The following KIF1B variants were observed in gnomAD, a reference collection of about 807,000 sequenced individuals.
The protein encoded by KIF1B is kinesin family member 1B.
A neutral mutation model predicts 241.9 loss-of-function variants in KIF1B; 76 were observed. That is an observed-to-expected ratio of 0.31 (90% CI 0.26 to 0.38). KIF1B has a LOEUF of 0.38. Among genes scored for constraint, KIF1B ranks in the 10% least tolerant of loss-of-function variants. KIF1B has a pLI of 1.00. For missense variants in KIF1B, 1,622 were observed against 2,271.4 expected, an observed-to-expected ratio of 0.71 and a Z score of 5.81; for synonymous variants, 750 against 796.7, an observed-to-expected ratio of 0.94 and a Z score of 0.99.
At position 10,353,230 on chromosome 1, in the gene KIF1B, T is replaced by C. The variant is rs551212813; in HGVS notation, c.4055+494T>C. On this transcript the variant is annotated intron_variant, in intron 38 of 48. Transcript: ENST00000676179. ...TGACTATAGGCTCCATTATCCTTAG[T>C]ATTTGTTTTTCATTTATGCACAAAA... is the stretch of plus-strand genomic sequence containing the variant. Among the ~76,000 whole-genome samples the C allele has an allele frequency of 3.9e-4, 60 of 152,322 alleles. No individual in the cohort carries two copies. The South Asian group carries it at 0.011, about 28-fold the overall frequency.
intron 38 of KIF1B, among the ~76,000 whole-genome samples, chr1:10,360,048 TAAAA>T (rs202103894): frequency 6.6e-6 from 1 of 151,074 alleles, no homozygotes; most frequent in Non-Finnish European, 1.5e-5. Context: ...TAAAATAAAA[TAAAA>T]AAATAATAAA....
At chr1:10,304,371 G>C (rs1242281410) in intron 22 of KIF1B, 2 of 1,614,072 alleles carry the variant, frequency 1.2e-6, no homozygotes, top group Non-Finnish European at 1.7e-6. Context: ...CGAAAAGTAC[G>C]CGCTGCCAGG....
At chr1:10,344,268 C>T (rs1196855077) in intron 34 of KIF1B, among the ~76,000 whole-genome samples, 2 of 152,178 alleles carry the variant, frequency 1.3e-5, no homozygotes, top group African/African-American at 4.8e-5. Context: ...GCTGCCAGAG[C>T]GAGAGGGTAC....
chr1:10,314,210 C>T lies in KIF1B; in HGVS notation c.2116-5833C>T, dbSNP rs991649492. ...ATATATTATTTTTTAATGTGCCTTC[C>T]GTAATTAGTTTTTGTCACAAAATGA... On this transcript the variant is annotated intron_variant, in intron 22 of 48. Transcript: ENST00000676179. Among the ~76,000 whole-genome samples, 7 of 151,204 alleles carry T rather than the reference C, an allele frequency of 4.6e-5. 1 individual carries two copies. Among genetic ancestry groups the T allele is most frequent in the Admixed American group, 2.0e-4 (3 of 15,232 alleles).
In KIF1B at chr1:10,216,957, C is replaced by CT. The variant is rs70998362; in HGVS notation, c.-80+6113dup. 5.7e-3 allele frequency among the ~76,000 whole-genome samples: 309 copies of CT among 54,502 alleles called. 27 individuals carry two copies. The highest frequency in any genetic ancestry group is 0.013 in the East Asian group (15 of 1,168). The allele number at this position is 54,502 out of a possible 152,430, so 35.8% of individuals were successfully genotyped here. ...TTTCCCTGCAGTACTTGCCCATTTT[C>CT]TTTTTTTTTTTTTTTTTTTTTTTTT... is the stretch of plus-strand genomic sequence containing the variant. On this transcript the variant is annotated intron_variant, in intron 1 of 48. Coordinates refer to ENST00000676179, the MANE Select transcript of KIF1B (RefSeq NM_001365951.3).
In KIF1B at chr1:10,360,947, G is replaced by T. The variant is rs1291020748; in HGVS notation, c.4074G>T (p.Glu1358Asp). 6.2e-7 allele frequency: 1 copy of T among 1,613,702 alleles called. No individual in the cohort carries two copies. Among genetic ancestry groups the T allele is most frequent in the African/African-American group, 1.3e-5 (1 of 74,916 alleles). The change falls in exon 39 of 49, where the codon GAG (glutamate) becomes GAT (aspartate). Residue 1358 changes from glutamate (E) to aspartate (D), a missense_variant. By Grantham distance (45) the Glu-to-Asp change is conservative (BLOSUM62 2). Around this residue, in one of 7 missense-constraint regions of KIF1B, gnomAD observed 803 missense variants for 1,112.0 expected, o/e 0.72. Coordinates refer to ENST00000676179, the MANE Select transcript of KIF1B (RefSeq NM_001365951.3). Reference protein sequence around the residue: ...HNSSRTFYRFEAVWDSSLHNS... With the variant: ...HNSSRTFYRFDAVWDSSLHNS... ...ACCTTAGGACCTTCTACCGCTTTGA[G>T]GCTGTGTGGGATAGCTCTCTGCATA...
At chr1:10,226,153 A>C (rs1039583519) in intron 1 of KIF1B, among the ~76,000 whole-genome samples, 36 of 152,192 alleles carry the variant, frequency 2.4e-4, no homozygotes, top group African/African-American at 8.2e-4. Context: ...GATTTTATAG[A>C]TATAAGCTGA....
intron 17 of KIF1B, among the ~76,000 whole-genome samples, chr1:10,293,975 A>G (rs1650136330): frequency 6.6e-6 from 1 of 152,250 alleles, no homozygotes; most frequent in Non-Finnish European, 1.5e-5. Context: ...CTACTCACAA[A>G]GGGCTTTGAC....
rs548095757 is a variant in KIF1B at position 10,266,181 on chromosome 1, G to T, written c.430-1199G>T. Among the ~76,000 whole-genome samples the T allele has an allele frequency of 1.4e-4, 22 of 152,306 alleles. No homozygotes were observed. In the South Asian group the frequency reaches 4.3e-3, roughly 30 times the overall value. On this transcript the variant is annotated intron_variant, in intron 5 of 48. Coordinates refer to ENST00000676179, the MANE Select transcript of KIF1B (RefSeq NM_001365951.3). The stretch of plus-strand genomic sequence containing the variant: ...AGACTTGAGTAAAGCTCATTTGACT[G>T]ATGTTATGAAACCAACTTGTTGGTT...
intron 1 of KIF1B, among the ~76,000 whole-genome samples, chr1:10,225,791 G>A (rs1282219502): frequency 6.6e-6 from 1 of 152,112 alleles, no homozygotes; most frequent in African/African-American, 2.4e-5. Context: ...TGTAAAAATA[G>A]GTGGTTTATG....
intron 17 of KIF1B, among the ~76,000 whole-genome samples, chr1:10,293,821 C>T (rs1303972574): frequency 6.6e-6 from 1 of 152,186 alleles, no homozygotes; most frequent in East Asian, 1.9e-4. Context: ...AAAGCTTTTT[C>T]TTACTTTAAT....
intron 2 of KIF1B, among the ~76,000 whole-genome samples, chr1:10,238,067 G>GTTTA (rs1647081557): frequency 5.9e-5 from 9 of 151,946 alleles, no homozygotes; most frequent in African/African-American, 9.7e-5. Flanking sequence ...ATGGAGATTT[G>GTTTA]GAAAGGAAGA....
intron 38 of KIF1B, among the ~76,000 whole-genome samples, chr1:10,358,702 CAG>C (rs1426731383): frequency 7.4e-6 from 1 of 135,046 alleles, no homozygotes; most frequent in Non-Finnish European, 1.6e-5. Flanking sequence ...AAAAAAAAAA[CAG>C]ATCTCACAAT....
In KIF1B at chr1:10,326,049, C is replaced by A. The variant is rs758098823; in HGVS notation, c.2676-62C>A. On this transcript the variant is annotated intron_variant, in intron 26 of 48. Coordinates refer to ENST00000676179, the MANE Select transcript of KIF1B (RefSeq NM_001365951.3). This position sits in a 1 kb window ranked among gnomAD's most constrained non-coding sequence, Gnocchi z 5.2. ...CTGTCCTGTTAGCACCTATTGCTTC[C>A]TGTTTAACCAACTATTCCTCTCTCC... 10 of 1,606,470 alleles carry A rather than the reference C, an allele frequency of 6.2e-6. No individual in the cohort carries two copies. The highest frequency in any genetic ancestry group is 8.5e-6 in the Non-Finnish European group (10 of 1,176,540).
intron 2 of KIF1B, among the ~76,000 whole-genome samples, chr1:10,240,245 G>A (rs972661150): frequency 7.9e-5 from 12 of 151,606 alleles, no homozygotes; most frequent in African/African-American, 1.5e-4. Flanking sequence ...GTCTCACTTT[G>A]TTGCCCAGGC....
intron 2 of KIF1B, among the ~76,000 whole-genome samples, chr1:10,242,433 T>C (rs999885592): frequency 6.6e-6 from 1 of 152,182 alleles, no homozygotes; most frequent in Non-Finnish European, 1.5e-5. Flanking sequence ...CTGTAGGAAA[T>C]TGTAAGACAT....
intron 1 of KIF1B, among the ~76,000 whole-genome samples, chr1:10,228,737 C>T (rs1202493245): frequency 2.0e-5 from 3 of 152,062 alleles, no homozygotes; most frequent in Non-Finnish European, 2.9e-5. Context: ...CCAGCTATTG[C>T]AAGTATCCTA....
chr1:10,283,202 G>A (rs12120499), intron 15 of KIF1B, among the ~76,000 whole-genome samples: 13,795 of 94,638 alleles, frequency 0.15, 882 homozygotes, highest in Middle Eastern at 0.28. Context: ...GTGAGACTCC[G>A]TCTCAAAAAA....
At chr1:10,291,060 A>C in intron 15 of KIF1B, 22 bp from the exon 16 acceptor site, 1 of 1,597,468 alleles carries the variant, frequency 6.3e-7, no homozygotes. Flanking sequence ...TTGCCTCTTT[A>C]ACTGTGCGCT....
Sources: allele counts gnomAD v4.1 joint callset (sites outside exome capture counted in the v4.1 genomes callset), GRCh38; gene constraint gnomAD v4.1.1; regional missense constraint gnomAD v4.1.1; non-coding constraint Gnocchi (gnomAD v3.1); transcripts MANE v1.5; gene names NCBI Gene and HGNC (gene_info 2026-07-23, HGNC 2026-07-21).